The following GPSM1 variants were observed in gnomAD, a reference collection of about 807,000 sequenced individuals.
GPSM1 encodes the protein G protein-signaling modulator 1.
A neutral mutation model predicts 70.5 loss-of-function variants in GPSM1; 48 were observed. That is an observed-to-expected ratio of 0.68 (90% CI 0.54 to 0.87). The LOEUF (loss-of-function observed/expected upper bound fraction) is 0.87, where lower values mean the gene tolerates loss of function less well. Ranked by LOEUF, GPSM1 falls within the 40% of genes least tolerant of loss-of-function variation. The probability of loss-of-function intolerance (pLI) is 0.00; values close to 1 mark genes in which losing one functional copy is unlikely to be tolerated. For missense variants in GPSM1, 981 were observed against 972.6 expected (o/e 1.01, Z -0.11); for synonymous variants, 416 against 430.1 (o/e 0.97, Z 0.41).
Position 136,327,634 on chromosome 9 carries a change from C to A in GPSM1, c.-62C>A. 1 of 388,020 alleles carries A rather than the reference C, an allele frequency of 2.6e-6. No homozygotes were observed. The highest frequency in any genetic ancestry group is 3.7e-6 in the Non-Finnish European group (1 of 271,290). 24.0% of individuals were successfully genotyped at this position (388,020 alleles called of 1,614,324 possible). A position where few individuals can be genotyped will look rare whatever the true frequency, so the allele number is the denominator to read the frequency against. On this transcript the variant is annotated 5_prime_UTR_variant, in exon 1 of 14. Coordinates refer to ENST00000440944, the MANE Select transcript of GPSM1 (RefSeq NM_001145638.3). ...ACAGCAGGGAGGACAGCAGGGCGGG[C>A]AGGGGGCGGACGGCCACGGCGCGGG...
intron 2 of GPSM1, among the ~76,000 whole-genome samples, chr9:136,335,121 T>G (rs752578913): frequency 2.6e-4 from 39 of 152,284 alleles, no homozygotes; most frequent in Admixed American, 5.2e-4. Context: ...CACTCGTGAC[T>G]GTGTGTGGCC....
At chr9:136,352,899 G>A (rs1832710015) in intron 11 of GPSM1, among the ~76,000 whole-genome samples, 1 of 151,970 alleles carries the variant, frequency 6.6e-6, no homozygotes, top group South Asian at 2.1e-4. Context: ...GAGTGCGCCT[G>A]TGTGTGAGTG....
intron 10 of GPSM1, among the ~76,000 whole-genome samples, chr9:136,349,283 T>C (rs1476468432): frequency 6.6e-6 from 1 of 152,246 alleles, no homozygotes; most frequent in East Asian, 1.9e-4. Context: ...TGGCCTGTGT[T>C]CAGTTGTGGA....
chr9:136,331,306 G>A (rs1832092404), intron 1 of GPSM1, among the ~76,000 whole-genome samples: 1 of 152,092 alleles, frequency 6.6e-6, no homozygotes, highest in Non-Finnish European at 1.5e-5. Context: ...TGGCCAGTCA[G>A]GTGAGGGAGA....
rs562398696 is a variant in GPSM1, at chr9:136,356,259, G to A, written c.1613-83G>A. 25 of 1,075,222 alleles carry A rather than the reference G, an allele frequency of 2.3e-5. No individual in the cohort carries two copies. In the East Asian group the frequency reaches 5.8e-4, roughly 25 times the overall value. The allele number at this position is 1,075,222 out of a possible 1,614,324, so 66.6% of individuals were successfully genotyped here. On this transcript the variant is annotated intron_variant, in intron 12 of 13. Coordinates refer to ENST00000440944, the MANE Select transcript of GPSM1 (RefSeq NM_001145638.3). ...ACAGTGGGCTGGGCTGGGCTCAGAG[G>A]TCAGAGCTCACTGTGGCCGCAGCCC...
At chr9:136,350,526 G>T (rs534973091) in intron 11 of GPSM1, among the ~76,000 whole-genome samples, 164 of 152,358 alleles carry the variant, frequency 1.1e-3, no homozygotes, top group African/African-American at 3.8e-3. Flanking sequence ...GTGGGTGCAG[G>T]GGCCGGGGCA....
intron 4 of GPSM1, 69 bp downstream of exon 4, chr9:136,337,141 C>CAG: frequency 7.2e-7 from 1 of 1,380,108 alleles, no homozygotes; most frequent in African/African-American, 1.5e-5. Context: ...CAGACACTTC[C>CAG]AGACCCCCGA....
At chr9:136,349,884 C>T in intron 11 of GPSM1, 121 bp downstream of exon 11, 1 of 906,764 alleles carries the variant, frequency 1.1e-6, no homozygotes, top group Non-Finnish European at 1.6e-6. Context: ...GGCAGGGGTC[C>T]CTCCCCGGTG....
chr9:136,358,454 G>A lies in GPSM1; in HGVS notation c.*234G>A. On this transcript the variant is annotated 3_prime_UTR_variant, in exon 14 of 14. Transcript: ENST00000440944. ...CTTCCTCCCTTCTGCCCCTGCCGCA[G>A]GCCGGACGGGGCCTTCGGCATGTCG... 1.8e-6 allele frequency: 1 copy of A among 559,796 alleles called. No individual in the cohort carries two copies. 34.7% of individuals were successfully genotyped at this position (559,796 alleles called of 1,614,324 possible). A position where few individuals can be genotyped will look rare whatever the true frequency, so the allele number is the denominator to read the frequency against.
chr9:136,349,334 G>A (rs1355988760), intron 10 of GPSM1, among the ~76,000 whole-genome samples: 3 of 152,230 alleles, frequency 2.0e-5, no homozygotes, highest in Non-Finnish European at 4.4e-5. Flanking sequence ...ACCCAAGGAC[G>A]CCCACAGTCA....
intron 1 of GPSM1, among the ~76,000 whole-genome samples, chr9:136,330,006 G>T (rs1194360094): frequency 6.6e-6 from 1 of 151,622 alleles, no homozygotes; most frequent in Non-Finnish European, 1.5e-5. Flanking sequence ...GGTCGGTGGG[G>T]ACAGGGCCCT....
At chr9:136,330,387 C>T (rs1051218652) in intron 1 of GPSM1, among the ~76,000 whole-genome samples, 1 of 152,150 alleles carries the variant, frequency 6.6e-6, no homozygotes, top group Non-Finnish European at 1.5e-5. Flanking sequence ...TTCCTCCCTC[C>T]CCTGTCCCCG....
At chr9:136,335,375 G>T (rs1282357683) in intron 2 of GPSM1, among the ~76,000 whole-genome samples, 2 of 152,090 alleles carry the variant, frequency 1.3e-5, no homozygotes, top group Non-Finnish European at 2.9e-5. Flanking sequence ...CTCCAGTCGG[G>T]TCCAGCCCCC....
intron 2 of GPSM1, 131 bp downstream of exon 2, chr9:136,334,799 G>A (rs1353281394): frequency 1.3e-5 from 10 of 745,200 alleles, no homozygotes; most frequent in Non-Finnish European, 1.8e-5. Context: ...CTGCTGGTGG[G>A]TGAGTGGGGA....
chr9:136,349,443 C>G, intron 10 of GPSM1, 144 bp from the exon 11 acceptor site: 1 of 742,828 alleles, frequency 1.3e-6, no homozygotes, highest in East Asian at 3.0e-5. Flanking sequence ...GCCCACAGCC[C>G]CAGTCCTCTC....
In GPSM1 at chr9:136,355,770, C is replaced by T; in HGVS notation, c.1536C>T (p.Asp512=). The change falls in exon 12 of 14, where the codon GAC becomes GAT. Residue 512 remains aspartate, a synonymous_variant. Coordinates refer to ENST00000440944, the MANE Select transcript of GPSM1 (RefSeq NM_001145638.3). ...LTKFQSSRMD[D]QRCPLDDGQA... is the part of the protein sequence containing the mutation. ...AGTTCCAGAGCAGCCGCATGGACGA[C>T]CAGCGTTGTCCCCTGGACGATGGCC... The T allele has an allele frequency of 1.2e-6, 2 of 1,612,308 alleles. No individual in the cohort carries two copies. The highest frequency in any genetic ancestry group is 1.7e-6 in the Non-Finnish European group (2 of 1,179,444).
Position 136,327,722 on chromosome 9 carries a change from C to G in GPSM1, c.27C>G (p.Ala9=). 8.5e-7 allele frequency: 1 copy of G among 1,182,346 alleles called. No homozygotes were observed. Among genetic ancestry groups the G allele is most frequent in the South Asian group, 3.9e-5 (1 of 25,522 alleles). 73.2% of individuals were successfully genotyped at this position (1,182,346 alleles called of 1,614,324 possible). ...TGGCGGGCCCGGCCCCGCCCGCGGC[C>G]GACGAGCTCCCGGGCCCGGCCGCCA... MAGPAPPA[A]DELPGPAARR... The change falls in exon 1 of 14, where the codon GCC becomes GCG. Residue 9 remains alanine (A), a synonymous_variant. Coordinates refer to ENST00000440944, the MANE Select transcript of GPSM1 (RefSeq NM_001145638.3).
At chr9:136,328,235 A>G (rs1832023799) in intron 1 of GPSM1, among the ~76,000 whole-genome samples, 1 of 152,240 alleles carries the variant, frequency 6.6e-6, no homozygotes, top group Non-Finnish European at 1.5e-5. Flanking sequence ...CTGAAAAGGC[A>G]TCTACTCTCC....
intron 4 of GPSM1, 86 bp downstream of exon 4, chr9:136,337,158 C>T (rs1437537784): frequency 8.1e-7 from 1 of 1,240,702 alleles, no homozygotes; most frequent in African/African-American, 1.5e-5. Flanking sequence ...CCGACCCCAG[C>T]CCCATACCTC....
Sources: gnomAD v4.1 joint callset for allele counts (sites outside exome capture counted in the v4.1 genomes callset) on GRCh38, gnomAD v4.1.1 for gene constraint, MANE v1.5 for transcripts, NCBI Gene and HGNC (gene_info 2026-07-23, HGNC 2026-07-21) for gene names.